Variants in WDR72 observed in about 807,000 individuals in gnomAD.
WDR72 encodes the protein WD repeat-containing protein 72.
WDR72 carries 120 observed loss-of-function variants against 124.2 expected under a neutral mutation model. That is an observed-to-expected ratio of 0.97 (90% CI 0.83 to 1.12). WDR72 has a LOEUF of 1.12. Ranked by LOEUF, WDR72 falls within the 50% of genes most tolerant of loss-of-function variation. The pLI is 0.00. For synonymous variants in WDR72, 452 were observed against 441.7 expected (o/e 1.02, Z -0.29); for missense variants, 1,387 against 1,278.8 (o/e 1.08, Z -1.29).
In WDR72 at chr15:53,544,548, C is replaced by T. The variant is rs969422897; in HGVS notation, c.3149-21226G>A. On this transcript the variant is annotated intron_variant, in intron 18 of 19. Coordinates refer to ENST00000360509, the MANE Select transcript of WDR72 (RefSeq NM_182758.4). The stretch of plus-strand genomic sequence containing the variant: ...GAGCTATCTATGACAAACCCACAGC[C>T]GATATCATACTGAATGGGCAAAAAC... 6.8e-4 allele frequency among the ~76,000 whole-genome samples: 101 copies of T among 147,562 alleles called. No individual in the cohort carries two copies. In the East Asian group the frequency reaches 0.016, roughly 23 times the overall value.
At chr15:53,566,204 A>G (rs1894289119) in intron 18 of WDR72, among the ~76,000 whole-genome samples, 1 of 151,976 alleles carries the variant, frequency 6.6e-6, no homozygotes, top group Admixed American at 6.6e-5. Context: ...ACAGAGGCTC[A>G]TAGTTAATTA....
upstream of WDR72, among the ~76,000 whole-genome samples, chr15:53,761,585 G>A (rs890800478): frequency 6.6e-6 from 1 of 152,180 alleles, no homozygotes; most frequent in African/African-American, 2.4e-5. Context: ...CAGCGCTTTA[G>A]GAGGCTGAGG....
chr15:53,627,953 T>C (rs2014276675), intron 14 of WDR72, among the ~76,000 whole-genome samples: 1 of 152,196 alleles, frequency 6.6e-6, no homozygotes, highest in South Asian at 2.1e-4. Flanking sequence ...GATTAATCTA[T>C]GCTCTCCAAT....
chr15:53,581,405 CAATT>C (rs1446259430), intron 18 of WDR72, among the ~76,000 whole-genome samples: 10 of 152,066 alleles, frequency 6.6e-5, no homozygotes, highest in African/African-American at 2.2e-4. Context: ...GAAAATTAAA[CAATT>C]AAGGTAAGAG....
At chr15:53,532,623 T>C (rs1161703412) in intron 18 of WDR72, among the ~76,000 whole-genome samples, 2 of 151,960 alleles carry the variant, frequency 1.3e-5, no homozygotes, top group Non-Finnish European at 2.9e-5. Context: ...AGTAGAATGA[T>C]GGTAACTAAA....
At position 53,571,921 on chromosome 15, in the gene WDR72, A is replaced by G. The variant is rs189732814; in HGVS notation, c.3148+25158T>C. ...TTTATAATAGCCATTCTAATAGGTGAGAATGATATCTCATTGTAGTTTTGA... is the reference window on the plus strand; with the variant it reads ...TTTATAATAGCCATTCTAATAGGTGGGAATGATATCTCATTGTAGTTTTGA... On this transcript the variant is annotated intron_variant, in intron 18 of 19. Coordinates refer to ENST00000360509, the MANE Select transcript of WDR72 (RefSeq NM_182758.4). Among the ~76,000 whole-genome samples, 82 of 152,164 alleles carry G rather than the reference A, an allele frequency of 5.4e-4. No homozygotes were observed. The East Asian group carries it at 0.013, about 24-fold the overall frequency.
chr15:53,525,928 C>G (rs1261940885), intron 18 of WDR72, among the ~76,000 whole-genome samples: 2 of 152,052 alleles, frequency 1.3e-5, no homozygotes, highest in African/African-American at 4.8e-5. Context: ...ATAGAAGGCA[C>G]TGGAGAGGTT....
intron 13 of WDR72, among the ~76,000 whole-genome samples, chr15:53,685,335 A>G (rs572079374): frequency 6.9e-4 from 89 of 129,770 alleles, no homozygotes; most frequent in African/African-American, 2.5e-3. Context: ...AGAATGTATA[A>G]CTAGAATAAC....
intron 14 of WDR72, among the ~76,000 whole-genome samples, chr15:53,625,743 T>TGTC (rs2014179257): frequency 6.7e-6 from 1 of 148,924 alleles, no homozygotes; most frequent in East Asian, 2.0e-4. Context: ...ATGCAAACTG[T>TGTC]AAGCAATCCA....
intron 14 of WDR72, among the ~76,000 whole-genome samples, chr15:53,616,779 G>A (rs1440349791): frequency 1.3e-5 from 2 of 151,986 alleles, no homozygotes; most frequent in Non-Finnish European, 2.9e-5. Context: ...GGCTGGCACA[G>A]TGGGTTCCCA....
At chr15:53,648,755 TAAAAAA>T (rs201925628) in intron 14 of WDR72, among the ~76,000 whole-genome samples, 1 of 150,434 alleles carries the variant, frequency 6.6e-6, no homozygotes, top group Non-Finnish European at 1.5e-5. Context: ...GTATGCTCAC[TAAAAAA>T]AAAGTATATA....
chr15:53,603,701 G>C (rs1195397375), intron 17 of WDR72, among the ~76,000 whole-genome samples: 1 of 152,060 alleles, frequency 6.6e-6, no homozygotes, highest in Non-Finnish European at 1.5e-5. Flanking sequence ...GTCAAGCTGA[G>C]AGCTAAATCA....
At chr15:53,535,186 A>G (rs1289635426) in intron 18 of WDR72, among the ~76,000 whole-genome samples, 3 of 152,196 alleles carry the variant, frequency 2.0e-5, no homozygotes, top group African/African-American at 7.2e-5. Context: ...CCATTTACAC[A>G]TAGAATTTAA....
chr15:53,610,788 T>A (rs1263750586), intron 16 of WDR72, among the ~76,000 whole-genome samples: 1 of 152,094 alleles, frequency 6.6e-6, no homozygotes, highest in Non-Finnish European at 1.5e-5. Context: ...AAGATTATAA[T>A]TTTGACATGT....
At chr15:53,653,978 C>G (rs1218783305) in intron 14 of WDR72, among the ~76,000 whole-genome samples, 1 of 152,078 alleles carries the variant, frequency 6.6e-6, no homozygotes, top group Non-Finnish European at 1.5e-5. Flanking sequence ...TTTGATTATG[C>G]TTAAATATAC....
chr15:53,700,046 A>ATGGG, intron 12 of WDR72, 101 bp from the exon 13 acceptor site: 2 of 1,349,712 alleles, frequency 1.5e-6, no homozygotes, highest in Non-Finnish European at 2.1e-6. Flanking sequence ...GTTTTGTTAA[A>ATGGG]GCCCCATTTA....
chr15:53,758,589 G>T (rs1489658987), intron 1 of WDR72, among the ~76,000 whole-genome samples: 2 of 152,082 alleles, frequency 1.3e-5, no homozygotes, highest in Non-Finnish European at 2.9e-5. Context: ...TTGCATGACA[G>T]AAGTGGCCGC....
chr15:53,551,546 C>A (rs1379618734), intron 18 of WDR72, among the ~76,000 whole-genome samples: 1 of 152,106 alleles, frequency 6.6e-6, no homozygotes. Flanking sequence ...AGATTTATTA[C>A]CTGTCCATAA....
At chr15:53,643,225 T>C (rs546169966) in intron 14 of WDR72, among the ~76,000 whole-genome samples, 90 of 152,176 alleles carry the variant, frequency 5.9e-4, no homozygotes, top group Non-Finnish European at 1.1e-3. Context: ...ATACAGATAT[T>C]GACTTAAGAA....
Sources: gnomAD v4.1 joint callset for allele counts (sites outside exome capture counted in the v4.1 genomes callset) on GRCh38, gnomAD v4.1.1 for gene constraint, MANE v1.5 for transcripts, NCBI Gene and HGNC (gene_info 2026-07-23, HGNC 2026-07-21) for gene names.